Variants in PFKFB1 observed in about 807,000 individuals in gnomAD.
PFKFB1 encodes 6-phosphofructo-2-kinase/fructose-2,6-bisphosphatase 1.
PFKFB1 carries 34 observed loss-of-function variants against 46.4 expected under a neutral mutation model. That is an observed-to-expected ratio of 0.73 (90% confidence interval 0.56 to 0.98). The LOEUF is 0.98. Among genes scored for constraint, PFKFB1 ranks in the 50% least tolerant of loss-of-function variants. PFKFB1 has a pLI of 0.00. For missense variants in PFKFB1, 393 were observed against 376.3 expected, an observed-to-expected ratio of 1.04 and a Z score of -0.37; for synonymous variants, 119 against 133.8, an observed-to-expected ratio of 0.89 and a Z score of 0.76.
chrX:54,952,778 G>A (rs909240123), intron 7 of PFKFB1, among the ~76,000 whole-genome samples: 4 of 110,311 alleles, frequency 3.6e-5, no homozygotes, highest in Non-Finnish European at 7.6e-5. Context: ...CACTGTCTGT[G>A]CTTTGGGAGC....
intron 1 of PFKFB1, among the ~76,000 whole-genome samples, chrX:54,964,843 T>C (rs1368792844): frequency 1.8e-5 from 2 of 111,247 alleles, no homozygotes; most frequent in African/African-American, 3.3e-5. Context: ...AGGTGAAAAG[T>C]ATAAGAAAGA....
chrX:54,991,780 G>GTGGGC (rs1935249498), intron 1 of PFKFB1, among the ~76,000 whole-genome samples: 1 of 111,494 alleles, frequency 9.0e-6, no homozygotes, highest in Admixed American at 9.5e-5. Context: ...TGGATAAACT[G>GTGGGC]TGGGATATTC....
At position 54,956,227 on chromosome X, in the gene PFKFB1, CT is replaced by C; in HGVS notation, c.563del (p.Lys188ArgfsTer7). 8.3e-7 allele frequency: 1 copy of C among 1,211,439 alleles called. No individual in the cohort carries two copies. Among genetic ancestry groups the C allele is most frequent in the Non-Finnish European group, 1.1e-6 (1 of 895,257 alleles). On this transcript the variant is annotated frameshift_variant, in exon 7 of 14. Coordinates refer to ENST00000375006, the MANE Select transcript of PFKFB1 (RefSeq NM_002625.4). LOFTEE classifies it high-confidence loss of function. ...TTCTCTTTAGAAAGTCTTCCAGAAC[CT>C]TTTCCCGGTCACAGTCTATATAATC... ...SPDYIDCDRE[K>X]VLEDFLKRIE...
intron 1 of PFKFB1, 30 bp from the exon 2 acceptor site, chrX:54,963,412 A>G (rs772464057): frequency 2.5e-6 from 3 of 1,200,176 alleles, no homozygotes; most frequent in Non-Finnish European, 3.4e-6. Context: ...TCAAAAGCTT[A>G]TCCTCAGATT....
chrX:54,940,824 A>T (rs1488820426), intron 10 of PFKFB1, among the ~76,000 whole-genome samples: 2 of 111,719 alleles, frequency 1.8e-5, no homozygotes, highest in Non-Finnish European at 3.8e-5. Flanking sequence ...GCCCAAGGTA[A>T]TTTATAGATT....
rs1282123545 is a variant in PFKFB1 at position 54,949,082 on chromosome X, A to G, written c.986T>C (p.Ile329Thr). 3.3e-6 allele frequency: 4 copies of G among 1,210,944 alleles called. No individual in the cohort carries two copies. Among genetic ancestry groups the G allele is most frequent in the South Asian group, 1.8e-5 (1 of 56,787 alleles). The part of the protein sequence containing the change: ...PYEQWKALNE[I>T]DAGVCEEMTY... Reference sequence around the variant, plus strand: ...TCACCCCATGCATCTCACCGCATCAATCTCATTCAGGGCCTTCCACTGCTC... The same window carrying G: ...TCACCCCATGCATCTCACCGCATCAGTCTCATTCAGGGCCTTCCACTGCTC... Residue 329 changes from isoleucine (I) to threonine (T), a missense_variant, in exon 9 of 14, where the codon ATT becomes ACT. Transcript: ENST00000375006.
chrX:54,986,980 A>G (rs761773966), intron 1 of PFKFB1, among the ~76,000 whole-genome samples: 2 of 111,349 alleles, frequency 1.8e-5, no homozygotes, highest in African/African-American at 6.5e-5. Context: ...GGAAAACATT[A>G]GAAAAAAATC....
At chrX:54,969,190 C>T (rs1468734910) in intron 1 of PFKFB1, among the ~76,000 whole-genome samples, 4 of 110,956 alleles carry the variant, frequency 3.6e-5, no homozygotes, top group Non-Finnish European at 7.6e-5. Context: ...GAGGTGGGAC[C>T]TTTAAGAAGT....
chrX:54,937,561 T>C, intron 11 of PFKFB1, 34 bp downstream of exon 11: 6 of 1,182,711 alleles, frequency 5.1e-6, no homozygotes, highest in South Asian at 1.8e-5. Context: ...TCAAATACCA[T>C]CAAACATTCC....
intron 6 of PFKFB1, among the ~76,000 whole-genome samples, chrX:54,956,814 T>C (rs936107667): frequency 4.5e-5 from 5 of 110,362 alleles, no homozygotes; most frequent in African/African-American, 1.6e-4. Context: ...CTTTCTATCA[T>C]CCCTCACCTC....
chrX:54,952,124 C>G lies in PFKFB1; in HGVS notation c.639-12G>C, dbSNP rs372559818. The G allele has an allele frequency of 2.5e-6, 3 of 1,193,967 alleles. No individual in the cohort carries two copies. In the African/African-American group the frequency reaches 5.3e-5, roughly 21 times the overall value. ...TGTAGGACAGGTGGCTGGGCCAGAC[C>G]CAAGCAGGAGCAAGGGCAGCTCAGG... On this transcript the variant is annotated splice_polypyrimidine_tract_variant and intron_variant, in intron 7 of 13. Transcript: ENST00000375006.
At chrX:54,950,985 A>T (rs1220912165) in intron 8 of PFKFB1, among the ~76,000 whole-genome samples, 4 of 113,068 alleles carry the variant, frequency 3.5e-5, no homozygotes, top group Non-Finnish European at 5.6e-5. Flanking sequence ...CCCACCCCAC[A>T]GACCTGTGGT....
chrX:54,945,427 C>T lies in PFKFB1; in HGVS notation c.1098+12G>A, dbSNP rs761831250. The T allele has an allele frequency of 1.9e-5, 21 of 1,110,911 alleles. No individual in the cohort carries two copies. In the East Asian group the frequency reaches 3.9e-4, roughly 21 times the overall value. 91.6% of individuals were successfully genotyped at this position (1,110,911 alleles called of 1,213,427 possible). ...AGTAGTCCTAGGCATTAGGCCACCC[C>T]GCAAACCTTACCTCTCCCTTGGGAT... On this transcript the variant is annotated intron_variant, in intron 10 of 13. Transcript: ENST00000375006.
intron 1 of PFKFB1, among the ~76,000 whole-genome samples, chrX:54,985,780 T>C (rs1254269238): frequency 9.1e-6 from 1 of 109,852 alleles, no homozygotes; most frequent in Non-Finnish European, 1.9e-5. Flanking sequence ...AAGAGAGCTA[T>C]ATATGAGTAA....
At chrX:54,962,775 A>G (rs1427843083) in intron 2 of PFKFB1, among the ~76,000 whole-genome samples, 3 of 112,016 alleles carry the variant, frequency 2.7e-5, no homozygotes, top group African/African-American at 9.7e-5. Context: ...GACTTGGCAC[A>G]GTGAATATCA....
intron 10 of PFKFB1, among the ~76,000 whole-genome samples, chrX:54,938,301 A>G (rs906726186): frequency 2.7e-5 from 3 of 112,504 alleles, no homozygotes; most frequent in African/African-American, 9.7e-5. Flanking sequence ...TTCCTTAACA[A>G]GCAAAAAGAA....
chrX:54,968,620 A>G (rs1934547132), intron 1 of PFKFB1, among the ~76,000 whole-genome samples: 1 of 111,638 alleles, frequency 9.0e-6, no homozygotes, highest in African/African-American at 3.2e-5. Flanking sequence ...TCGACAACAT[A>G]GATGAAACAA....
intron 1 of PFKFB1, among the ~76,000 whole-genome samples, chrX:54,970,000 C>T (rs1027351382): frequency 9.0e-5 from 10 of 111,655 alleles, no homozygotes; most frequent in African/African-American, 9.8e-5. Flanking sequence ...CCTCTGCTTC[C>T]GAGGTTCAAG....
At chrX:54,946,741 G>A (rs1376998442) in intron 9 of PFKFB1, among the ~76,000 whole-genome samples, 2 of 112,103 alleles carry the variant, frequency 1.8e-5, no homozygotes, top group East Asian at 2.8e-4. Context: ...TAACCTCTCC[G>A]AATTTTACTT....
Sources: gnomAD v4.1 joint callset for allele counts (sites outside exome capture counted in the v4.1 genomes callset) on GRCh38, gnomAD v4.1.1 for gene constraint, MANE v1.5 for transcripts, NCBI Gene and HGNC (gene_info 2026-07-23, HGNC 2026-07-21) for gene names.